The following DLG1 variants were observed in gnomAD, a reference collection of about 807,000 sequenced individuals.
The protein encoded by DLG1 is discs large MAGUK scaffold protein 1.
In DLG1, 42 loss-of-function variants were observed where a neutral mutation model predicts 123.4. The observed-to-expected ratio is 0.34, with a 90% CI of 0.27 to 0.44. DLG1 has a LOEUF of 0.44. Among genes scored for constraint, DLG1 ranks in the 20% least tolerant of loss-of-function variants. The probability of loss-of-function intolerance (pLI) is 1.00; values close to 1 mark genes in which losing one functional copy is unlikely to be tolerated. For synonymous variants in DLG1, 317 were observed against 356.2 expected, an observed-to-expected ratio of 0.89 and a Z score of 1.24; for missense variants, 942 against 1,082.6, an observed-to-expected ratio of 0.87 and a Z score of 1.82.
At chr3:197,287,288 GATAA>G (rs989329504) in intron 3 of DLG1, among the ~76,000 whole-genome samples, 19 of 152,122 alleles carry the variant, frequency 1.2e-4, no homozygotes, top group South Asian at 2.1e-4. Flanking sequence ...CTGCATGAGA[GATAA>G]ATAAACTTAT....
chr3:197,162,878 G>C (rs1419169299), intron 5 of DLG1, among the ~76,000 whole-genome samples: 1 of 152,158 alleles, frequency 6.6e-6, no homozygotes, highest in Non-Finnish European at 1.5e-5. Context: ...AAAACCTTTT[G>C]TGCACCAAAG....
At chr3:197,047,512 A>G (rs151019160) in intron 24 of DLG1, among the ~76,000 whole-genome samples, 1 of 150,284 alleles carries the variant, frequency 6.7e-6, no homozygotes, top group East Asian at 1.9e-4. Context: ...ACAAGTAACA[A>G]CAACAAAAAT....
At chr3:197,075,903 A>T in intron 18 of DLG1, 1 of 1,602,262 alleles carries the variant, frequency 6.2e-7, no homozygotes, top group Non-Finnish European at 8.5e-7. Flanking sequence ...AGCAAGCAAT[A>T]AAAAGATAAT....
intron 6 of DLG1, 109 bp from the exon 7 acceptor site, chr3:197,142,877 A>C: frequency 1.4e-6 from 1 of 727,186 alleles, no homozygotes; most frequent in Non-Finnish European, 2.4e-6. Context: ...ATGCGACAGT[A>C]ATCAAACACA....
chr3:197,161,771 A>C (rs752973545), intron 5 of DLG1: 11 of 1,362,072 alleles, frequency 8.1e-6, no homozygotes, highest in Admixed American at 4.4e-5. Flanking sequence ...AATCAGGAAA[A>C]ACACCAAAAT....
chr3:197,230,967 CTAAG>C (rs1186734028), intron 4 of DLG1, among the ~76,000 whole-genome samples: 3 of 149,744 alleles, frequency 2.0e-5, no homozygotes, highest in African/African-American at 7.6e-5. Context: ...CATCTTAATG[CTAAG>C]TAAGTTATAG....
At chr3:197,277,307 A>G (rs1766945379) in intron 4 of DLG1, among the ~76,000 whole-genome samples, 1 of 151,610 alleles carries the variant, frequency 6.6e-6, no homozygotes, top group Non-Finnish European at 1.5e-5. Context: ...TGTCCCATTA[A>G]ATCAGGAAAT....
At chr3:197,286,648 T>C (rs927938622) in intron 3 of DLG1, among the ~76,000 whole-genome samples, 8 of 152,174 alleles carry the variant, frequency 5.3e-5, no homozygotes, top group Non-Finnish European at 8.8e-5. Context: ...CAATGTACAA[T>C]GCAAAGAGTG....
At chr3:197,246,052 TATAA>T (rs1309032309) in intron 4 of DLG1, among the ~76,000 whole-genome samples, 1 of 152,178 alleles carries the variant, frequency 6.6e-6, no homozygotes, top group Non-Finnish European at 1.5e-5. Context: ...TTGGAATTAG[TATAA>T]ATAGTTCCTT....
chr3:197,275,681 G>A (rs1038372056), intron 4 of DLG1, among the ~76,000 whole-genome samples: 1 of 152,196 alleles, frequency 6.6e-6, no homozygotes, highest in African/African-American at 2.4e-5. Context: ...ATATGTGGAA[G>A]CTAAAAAGCT....
intron 5 of DLG1, among the ~76,000 whole-genome samples, chr3:197,184,367 T>C (rs1433880982): frequency 6.6e-6 from 1 of 152,222 alleles, no homozygotes; most frequent in African/African-American, 2.4e-5. Flanking sequence ...TCTCTGCAAA[T>C]AGTTCTGACT....
chr3:197,064,415 A>T (rs1197692866), intron 22 of DLG1, among the ~76,000 whole-genome samples: 2 of 151,890 alleles, frequency 1.3e-5, no homozygotes, highest in Non-Finnish European at 2.9e-5. Flanking sequence ...CTGGTCTTGA[A>T]CTCCTAACCT....
At position 197,159,598 on chromosome 3, in the gene DLG1, T is replaced by C. The variant is rs145537942; in HGVS notation, c.484-9802A>G. ...TACATATTCACTTAATATGTTGAAA[T>C]TGGGTTATATGTTAGTATGTATTTT... On this transcript the variant is annotated intron_variant, in intron 5 of 24. Transcript: ENST00000667157. Among the ~76,000 whole-genome samples, 55 of 152,312 alleles carry C rather than the reference T, an allele frequency of 3.6e-4. No individual in the cohort carries two copies. The East Asian group carries it at 7.7e-3, about 21-fold the overall frequency.
At chr3:197,136,852 A>C (rs559593546) in intron 9 of DLG1, among the ~76,000 whole-genome samples, 174 bp from the exon 10 acceptor site, 1 of 152,360 alleles carries the variant, frequency 6.6e-6, no homozygotes, top group South Asian at 2.1e-4. Context: ...ACTTAGACAT[A>C]CAGCTGCTCC....
At chr3:197,126,235 G>A (rs906681889) in intron 11 of DLG1, among the ~76,000 whole-genome samples, 1 of 152,048 alleles carries the variant, frequency 6.6e-6, no homozygotes, top group East Asian at 1.9e-4. Context: ...CAGCGCTTTG[G>A]GAGGCCGAAG....
At chr3:197,059,732 A>G (rs1254203049) in intron 23 of DLG1, among the ~76,000 whole-genome samples, 157 bp downstream of exon 23, 1 of 152,222 alleles carries the variant, frequency 6.6e-6, no homozygotes, top group Non-Finnish European at 1.5e-5. Context: ...TATAACCCAT[A>G]GTGCTTATTT....
At chr3:197,283,256 T>G (rs911075197) in intron 3 of DLG1, among the ~76,000 whole-genome samples, 2 of 152,198 alleles carry the variant, frequency 1.3e-5, no homozygotes, top group African/African-American at 4.8e-5. Flanking sequence ...ATATCATTAC[T>G]GTGAATTCTA....
At chr3:197,149,866 A>C in intron 5 of DLG1, 70 bp from the exon 6 acceptor site, 1 of 902,794 alleles carries the variant, frequency 1.1e-6, no homozygotes, top group Non-Finnish European at 1.8e-6. Flanking sequence ...ACAATGTTAG[A>C]GGCATAGGAA....
intron 5 of DLG1, among the ~76,000 whole-genome samples, chr3:197,181,755 G>T (rs1712159053): frequency 6.7e-6 from 1 of 148,566 alleles, no homozygotes; most frequent in South Asian, 2.1e-4. Context: ...CCTATTTCTA[G>T]AAATAAAATA....
Sources: allele counts gnomAD v4.1 joint callset (sites outside exome capture counted in the v4.1 genomes callset), GRCh38; gene constraint gnomAD v4.1.1; transcripts MANE v1.5; gene names NCBI Gene and HGNC (gene_info 2026-07-23, HGNC 2026-07-21).